Variants in SAE1 observed in about 807,000 individuals in gnomAD.
SAE1 encodes SUMO1 activating enzyme subunit 1.
Under a neutral mutation model 40.6 loss-of-function variants are expected in SAE1, and 11 were observed. The ratio of observed to expected loss-of-function variants is 0.27; its 90% confidence interval spans 0.17 to 0.45. The LOEUF (loss-of-function observed/expected upper bound fraction) is 0.45, where lower values mean the gene tolerates loss of function less well. Ranked by LOEUF, SAE1 falls within the 20% of genes least tolerant of loss-of-function variation. The probability of loss-of-function intolerance (pLI) is 1.00; values close to 1 mark genes in which losing one functional copy is unlikely to be tolerated. For synonymous variants in SAE1, 155 were observed against 154.3 expected (o/e 1.00, Z -0.03); for missense variants, 373 against 427.3 (o/e 0.87, Z 1.12).
Position 47,130,984 on chromosome 19 carries a change from G to A in SAE1, c.54G>A (p.Gln18=), listed in dbSNP as rs770360566. Residue 18 remains glutamine, a synonymous_variant, in exon 1 of 9, where the codon CAG becomes CAA. Transcript: ENST00000270225. ...GGGISEEEAA[Q]YDRQIRLWGL... ...GCATTAGCGAGGAGGAGGCGGCACA[G>A]TATGACCGGCAGATCCGCCTGTGGG... 4 of 1,548,130 alleles carry A rather than the reference G, an allele frequency of 2.6e-6. No homozygotes were observed. The highest frequency in any genetic ancestry group is 2.4e-5 in the South Asian group (2 of 83,858).
At position 47,209,627 on chromosome 19, in the gene SAE1, G is replaced by C. The variant is rs1368898261; in HGVS notation, c.*376G>C. The C allele has an allele frequency of 2.1e-5, 6 of 285,018 alleles. No individual in the cohort carries two copies. Among genetic ancestry groups the C allele is most frequent in the African/African-American group, 8.7e-5 (4 of 45,802 alleles). The allele number at this position is 285,018 out of a possible 1,614,324, so 17.7% of individuals were successfully genotyped here. ...CTGCCAGGAATGAGCAAGCTCTGTT[G>C]CTCGGGAGCCTCTTGTCACCTTCTT... On this transcript the variant is annotated 3_prime_UTR_variant, in exon 9 of 9. Coordinates refer to ENST00000270225, the MANE Select transcript of SAE1 (RefSeq NM_005500.3).
At chr19:47,143,463 TATC>T in intron 1 of SAE1, 28 bp from the exon 2 acceptor site, 3 of 1,528,692 alleles carry the variant, frequency 2.0e-6, no homozygotes, top group Non-Finnish European at 2.7e-6. Context: ...CACTGTTCTG[TATC>T]ATCAGGTTAA....
At chr19:47,165,123 G>T (rs1189466016) in intron 5 of SAE1, among the ~76,000 whole-genome samples, 1 of 104,780 alleles carries the variant, frequency 9.5e-6, no homozygotes, top group Non-Finnish European at 1.7e-5. Context: ...TTGCTCTCTT[G>T]CCCAGGCTGG....
chr19:47,155,468 T>TG (rs1490946672), intron 5 of SAE1, among the ~76,000 whole-genome samples: 47 of 152,162 alleles, frequency 3.1e-4, no homozygotes, highest in African/African-American at 1.1e-3. Flanking sequence ...AACTTTTTTT[T>TG]TTGTGTGTGT....
intron 5 of SAE1, among the ~76,000 whole-genome samples, chr19:47,168,591 G>GCCAT (rs979810056): frequency 1.3e-5 from 2 of 152,028 alleles, no homozygotes; most frequent in Non-Finnish European, 2.9e-5. Context: ...ACCACACTCA[G>GCCAT]CCATAAATGT....
chr19:47,205,320 CTT>C lies in SAE1; in HGVS notation c.948+1596_948+1597del, dbSNP rs11291244. On this transcript the variant is annotated intron_variant, in intron 8 of 8. Coordinates refer to ENST00000270225, the MANE Select transcript of SAE1 (RefSeq NM_005500.3). ...TAGTCACACCGTTTTCCTAAGGCTA[CTT>C]TTTTTTTTTTTTTTTGTCTATTTTT... is the stretch of plus-strand genomic sequence containing the variant. Among the ~76,000 whole-genome samples, 617 of 129,174 alleles carry C rather than the reference CTT, an allele frequency of 4.8e-3. 1 individual carries two copies. The highest frequency in any genetic ancestry group is 0.016 in the African/African-American group (533 of 33,992). The allele number at this position is 129,174 out of a possible 152,430, so 84.7% of individuals were successfully genotyped here.
chr19:47,150,111 T>G, intron 2 of SAE1, 91 bp from the exon 3 acceptor site: 1 of 930,744 alleles, frequency 1.1e-6, no homozygotes, highest in African/African-American at 1.7e-5. Context: ...GTGGTAGGTA[T>G]TTTAGCTATC....
In SAE1 at chr19:47,150,293, A is replaced by G; in HGVS notation, c.302A>G (p.Asn101Ser). 6.2e-7 allele frequency: 1 copy of G among 1,613,904 alleles called. No homozygotes were observed. The highest frequency in any genetic ancestry group is 8.5e-7 in the Non-Finnish European group (1 of 1,179,866). ...GAAGCCTCTTTGGAGCGAGCTCAGA[A>G]TCTCAACCCCATGGTGGATGTGAAG... is the stretch of plus-strand genomic sequence containing the variant. ...RAEASLERAQ[N>S]LNPMVDVKVD... Residue 101 changes from asparagine (N) to serine (S), a missense_variant, in exon 3 of 9, where the codon AAT becomes AGT. Asn to Ser is a conservative substitution (Grantham distance 46). Transcript: ENST00000270225.
At chr19:47,205,748 C>T (rs2123328869) in intron 8 of SAE1, among the ~76,000 whole-genome samples, 1 of 152,288 alleles carries the variant, frequency 6.6e-6, no homozygotes. Context: ...TACGTGGATA[C>T]TCATTTCATC....
At chr19:47,202,465 T>G (rs2058660781) in intron 7 of SAE1, among the ~76,000 whole-genome samples, 1 of 151,764 alleles carries the variant, frequency 6.6e-6, no homozygotes, top group Non-Finnish European at 1.5e-5. Context: ...TTTTTGTATT[T>G]TTAGTAGAAA....
chr19:47,173,392 C>T (rs1017138414), intron 6 of SAE1, among the ~76,000 whole-genome samples: 5 of 152,158 alleles, frequency 3.3e-5, no homozygotes, highest in Admixed American at 1.3e-4. Flanking sequence ...CCTCCAACCC[C>T]GTAACTTCTG....
intron 6 of SAE1, among the ~76,000 whole-genome samples, chr19:47,195,291 A>G (rs1191544505): frequency 6.6e-6 from 1 of 151,904 alleles, no homozygotes; most frequent in Non-Finnish European, 1.5e-5. Flanking sequence ...CTGACCTCAG[A>G]TGATCCACCC....
At chr19:47,197,398 C>T in intron 7 of SAE1, 21 bp downstream of exon 7, 1 of 1,604,018 alleles carries the variant, frequency 6.2e-7, no homozygotes, top group Non-Finnish European at 8.5e-7. Context: ...GTATTTATCA[C>T]TGTTTAGTCT....
intron 7 of SAE1, among the ~76,000 whole-genome samples, chr19:47,198,487 A>C (rs991487813): frequency 6.6e-6 from 1 of 152,146 alleles, no homozygotes; most frequent in Non-Finnish European, 1.5e-5. Flanking sequence ...GAGGCTTCCT[A>C]AACTCGGCTT....
At chr19:47,165,123 G>A (rs1189466016) in intron 5 of SAE1, among the ~76,000 whole-genome samples, 21 of 104,780 alleles carry the variant, frequency 2.0e-4, no homozygotes, top group Admixed American at 4.5e-4. Context: ...TTGCTCTCTT[G>A]CCCAGGCTGG....
chr19:47,169,707 T>G, intron 5 of SAE1, 111 bp from the exon 6 acceptor site: 1 of 750,394 alleles, frequency 1.3e-6, no homozygotes, highest in Non-Finnish European at 2.4e-6. Flanking sequence ...CTTCTTTTAA[T>G]GGTCAGTAAA....
intron 6 of SAE1, among the ~76,000 whole-genome samples, chr19:47,191,736 T>C (rs1364939780): frequency 6.6e-6 from 1 of 151,952 alleles, no homozygotes; most frequent in East Asian, 1.9e-4. Context: ...ACCACAAAGC[T>C]TTTCATCTTT....
intron 1 of SAE1, among the ~76,000 whole-genome samples, chr19:47,139,096 C>A (rs2058200647): frequency 6.6e-6 from 1 of 152,142 alleles, no homozygotes; most frequent in Non-Finnish European, 1.5e-5. Context: ...GGACTACAGG[C>A]ACGTGCCACC....
chr19:47,134,209 G>T (rs1190439668), intron 1 of SAE1, among the ~76,000 whole-genome samples: 1 of 152,058 alleles, frequency 6.6e-6, no homozygotes, highest in Non-Finnish European at 1.5e-5. Flanking sequence ...GAGGGGTTGA[G>T]TTCAGAGGTA....
Sources: allele counts gnomAD v4.1 joint callset (sites outside exome capture counted in the v4.1 genomes callset), GRCh38; gene constraint gnomAD v4.1.1; transcripts MANE v1.5; gene names NCBI Gene and HGNC (gene_info 2026-07-23, HGNC 2026-07-21).